The following PDE10A variants were observed in gnomAD, a reference collection of about 807,000 sequenced individuals.
The protein encoded by PDE10A is cAMP and cAMP-inhibited cGMP 3',5'-cyclic phosphodiesterase 10A.
A neutral mutation model predicts 97.7 loss-of-function variants in PDE10A; 39 were observed. That is an observed-to-expected ratio of 0.40 (90% confidence interval 0.31 to 0.52). The LOEUF (loss-of-function observed/expected upper bound fraction) is 0.52, where lower values mean the gene tolerates loss of function less well. PDE10A is among the 20% of genes least tolerant of loss of function. The pLI, the probability that PDE10A is intolerant of heterozygous loss-of-function variation, is 0.56. For synonymous variants in PDE10A, 371 were observed against 376.8 expected (o/e 0.98, Z 0.18); for missense variants, 731 against 1,047.8 (o/e 0.70, Z 4.17).
At chr6:165,518,773 G>A (rs1219753078) in intron 2 of PDE10A, among the ~76,000 whole-genome samples, 1 of 152,152 alleles carries the variant, frequency 6.6e-6, no homozygotes, top group Non-Finnish European at 1.5e-5. Context: ...AAATAAATCT[G>A]TGCTGGTTTG....
intron 1 of PDE10A, among the ~76,000 whole-genome samples, chr6:165,744,004 T>C (rs781352225): frequency 7.9e-5 from 12 of 152,208 alleles, no homozygotes; most frequent in Non-Finnish European, 1.5e-4. Context: ...TGACTGTGAC[T>C]TCGGAGAATG....
At chr6:165,479,807 G>A (rs1382479055) in intron 3 of PDE10A, among the ~76,000 whole-genome samples, 2 of 152,102 alleles carry the variant, frequency 1.3e-5, no homozygotes, top group African/African-American at 4.8e-5. Context: ...AGAAGACAGG[G>A]AAACAAAGAG....
At chr6:165,454,490 T>A (rs1177224316) in intron 3 of PDE10A, among the ~76,000 whole-genome samples, 1 of 152,170 alleles carries the variant, frequency 6.6e-6, no homozygotes, top group Non-Finnish European at 1.5e-5. Flanking sequence ...GATGGCCCCG[T>A]CTTCATAAAT....
intron 1 of PDE10A, among the ~76,000 whole-genome samples, chr6:165,654,617 GC>G (rs1213684148): frequency 6.6e-6 from 1 of 151,918 alleles, no homozygotes; most frequent in African/African-American, 2.4e-5. Context: ...ATTTCATCAA[GC>G]TCCTTTTCTT....
At chr6:165,552,255 A>G (rs555374550) in intron 1 of PDE10A, among the ~76,000 whole-genome samples, 2 of 152,268 alleles carry the variant, frequency 1.3e-5, no homozygotes, top group East Asian at 3.9e-4. Context: ...CATTCTCTAC[A>G]TAGCACAGTG....
At chr6:165,525,663 C>A (rs1479786180) in intron 2 of PDE10A, among the ~76,000 whole-genome samples, 1 of 152,160 alleles carries the variant, frequency 6.6e-6, no homozygotes, top group Non-Finnish European at 1.5e-5. Flanking sequence ...ACAGCGGGAA[C>A]CACAGTCACT....
At chr6:165,889,001 C>T in intron 1 of PDE10A, among the ~76,000 whole-genome samples, 1 of 140,708 alleles carries the variant, frequency 7.1e-6, no homozygotes, top group East Asian at 2.1e-4. Flanking sequence ...AATTCCTGAT[C>T]TTGCATACTT....
At chr6:165,480,162 T>A (rs1293889559) in intron 3 of PDE10A, among the ~76,000 whole-genome samples, 1 of 152,170 alleles carries the variant, frequency 6.6e-6, no homozygotes, top group East Asian at 1.9e-4. Context: ...CTAAGATGTT[T>A]TACTAGAAAA....
At chr6:165,691,591 G>GCGCA (rs1554306127) in intron 1 of PDE10A, among the ~76,000 whole-genome samples, 743 of 51,654 alleles carry the variant, frequency 0.014, 8 homozygotes, top group African/African-American at 0.026. Flanking sequence ...GCACGCGCGC[G>GCGCA]CACACACACA....
chr6:165,672,105 T>C (rs1426376102), intron 1 of PDE10A, among the ~76,000 whole-genome samples: 1 of 152,230 alleles, frequency 6.6e-6, no homozygotes, highest in Non-Finnish European at 1.5e-5. Flanking sequence ...CACTGAAAAT[T>C]GTTCCTGTAT....
intron 1 of PDE10A, among the ~76,000 whole-genome samples, chr6:165,601,856 G>A (rs1786968866): frequency 6.6e-6 from 1 of 152,072 alleles, no homozygotes; most frequent in African/African-American, 2.4e-5. Context: ...TCGCATAACA[G>A]AAGAGCCTCA....
intron 1 of PDE10A, among the ~76,000 whole-genome samples, chr6:165,698,170 G>A (rs1791485314): frequency 6.6e-6 from 1 of 151,942 alleles, no homozygotes; most frequent in African/African-American, 2.4e-5. Flanking sequence ...TAAACCCTAG[G>A]GAGACTATTC....
intron 1 of PDE10A, among the ~76,000 whole-genome samples, chr6:165,647,779 T>C (rs895674865): frequency 6.6e-6 from 1 of 152,204 alleles, no homozygotes; most frequent in Non-Finnish European, 1.5e-5. Context: ...GACTGCCTTT[T>C]CGGAAAAGAC....
chr6:165,944,159 A>C (rs1419274767), intron 1 of PDE10A, among the ~76,000 whole-genome samples: 1 of 152,156 alleles, frequency 6.6e-6, no homozygotes, highest in East Asian at 1.9e-4. Flanking sequence ...AAACCATCAG[A>C]TCTCATGAGA....
chr6:165,346,140 A>C (rs1782293642), intron 18 of PDE10A, among the ~76,000 whole-genome samples: 2 of 152,256 alleles, frequency 1.3e-5, no homozygotes, highest in South Asian at 4.1e-4. Flanking sequence ...TTCCCAGAGG[A>C]GTGGCCTGAT....
rs541333485 is a variant in PDE10A, at chr6:165,656,029, C to T, written c.865+5918G>A. ...CCACACAGCTGCACAGGCCACTCTC[C>T]GTGTGCATTCGCTGTGCAGCTCTCT... On this transcript the variant is annotated intron_variant, in intron 1 of 21. Transcript: ENST00000539869. Among the ~76,000 whole-genome samples, 18 of 152,168 alleles carry T rather than the reference C, an allele frequency of 1.2e-4. No individual in the cohort carries two copies. In the East Asian group the frequency reaches 3.1e-3, roughly 26 times the overall value.
At chr6:165,940,208 G>A (rs757034282) in intron 1 of PDE10A, 1 of 152,216 alleles carries the variant, frequency 6.6e-6, no homozygotes, top group Non-Finnish European at 1.5e-5. Flanking sequence ...GCAATATGTT[G>A]TAGTGTCTTT....
At chr6:165,878,813 T>G (rs1781408482) in intron 1 of PDE10A, among the ~76,000 whole-genome samples, 1 of 151,722 alleles carries the variant, frequency 6.6e-6, no homozygotes, top group South Asian at 2.1e-4. Flanking sequence ...GACGTCAGAG[T>G]GATAGCCTTT....
At chr6:165,457,704 C>G (rs556753430) in intron 3 of PDE10A, among the ~76,000 whole-genome samples, 51 of 152,192 alleles carry the variant, frequency 3.4e-4, no homozygotes, top group African/African-American at 1.1e-3. Context: ...GTTTGGGAAC[C>G]AGGGGAAAGC....
Sources: allele counts gnomAD v4.1 joint callset (sites outside exome capture counted in the v4.1 genomes callset), GRCh38; gene constraint gnomAD v4.1.1; transcripts MANE v1.5; gene names NCBI Gene and HGNC (gene_info 2026-07-23, HGNC 2026-07-21).